The following ROBO1 variants were observed in gnomAD, a reference collection of about 807,000 sequenced individuals.
ROBO1 encodes the protein roundabout homolog 1.
ROBO1 carries 149 observed loss-of-function variants against 195.9 expected under a neutral mutation model. The ratio of observed to expected loss-of-function variants is 0.76; its 90% CI spans 0.67 to 0.87. ROBO1 has a LOEUF of 0.87. Among genes scored for constraint, ROBO1 ranks in the 40% least tolerant of loss-of-function variants. The probability of loss-of-function intolerance (pLI) is 0.00; values close to 1 mark genes in which losing one functional copy is unlikely to be tolerated. For missense variants in ROBO1, 1,933 were observed against 2,068.3 expected, an observed-to-expected ratio of 0.93 and a Z score of 1.27; for synonymous variants, 816 against 733.2, an observed-to-expected ratio of 1.11 and a Z score of -1.82.
At chr3:79,422,100 AT>A (rs1192008294) in intron 2 of ROBO1, among the ~76,000 whole-genome samples, 1 of 148,094 alleles carries the variant, frequency 6.8e-6, no homozygotes, top group Non-Finnish European at 1.5e-5. Flanking sequence ...ATATAAAAAT[AT>A]TTTTGATTAT....
intron 4 of ROBO1, among the ~76,000 whole-genome samples, chr3:78,883,925 A>G (rs897486918): frequency 6.6e-6 from 1 of 152,132 alleles, no homozygotes; most frequent in African/African-American, 2.4e-5. Flanking sequence ...TTCACTGCAA[A>G]GCTAGGATGG....
At chr3:79,759,979 G>A (rs1559561893) in intron 1 of ROBO1, among the ~76,000 whole-genome samples, 1 of 152,076 alleles carries the variant, frequency 6.6e-6, no homozygotes, top group African/African-American at 2.4e-5. Context: ...GCTCATGCCT[G>A]TAATCCCAGC....
At chr3:79,229,418 G>A (rs1436959091) in intron 2 of ROBO1, among the ~76,000 whole-genome samples, 2 of 152,028 alleles carry the variant, frequency 1.3e-5, no homozygotes, top group East Asian at 3.9e-4. Flanking sequence ...ATAAGTTAGG[G>A]TGTTAATCTA....
At chr3:78,672,205 A>C (rs996113323) in intron 10 of ROBO1, among the ~76,000 whole-genome samples, 2 of 152,080 alleles carry the variant, frequency 1.3e-5, no homozygotes, top group African/African-American at 4.8e-5. Context: ...AAGGCTAGAC[A>C]TATTATGTAC....
At chr3:78,776,360 TC>T in intron 4 of ROBO1, among the ~76,000 whole-genome samples, 1 of 152,336 alleles carries the variant, frequency 6.6e-6, no homozygotes, top group South Asian at 2.1e-4. Flanking sequence ...CAAGTGATTC[TC>T]CTGCCTTAGC....
intron 3 of ROBO1, among the ~76,000 whole-genome samples, chr3:78,943,509 T>C (rs1454401208): frequency 1.3e-5 from 2 of 152,202 alleles, no homozygotes; most frequent in African/African-American, 4.8e-5. Flanking sequence ...AAACGCTAAA[T>C]TTCTCAAAAG....
intron 3 of ROBO1, among the ~76,000 whole-genome samples, chr3:79,066,775 A>G (rs1444716834): frequency 2.6e-5 from 4 of 151,904 alleles, no homozygotes; most frequent in African/African-American, 9.7e-5. Context: ...AAGAAGATAT[A>G]AGGCAGAAAT....
chr3:79,593,871 C>G (rs1282413213), intron 1 of ROBO1, among the ~76,000 whole-genome samples: 1 of 151,992 alleles, frequency 6.6e-6, no homozygotes, highest in Non-Finnish European at 1.5e-5. Context: ...CCCGCTTTGG[C>G]CTCCCAAACT....
At chr3:79,480,964 T>C (rs1364540722) in intron 2 of ROBO1, among the ~76,000 whole-genome samples, 5 of 152,176 alleles carry the variant, frequency 3.3e-5, no homozygotes, top group African/African-American at 1.2e-4. Flanking sequence ...GAGATCAATT[T>C]TTTTTCCTCC....
At chr3:79,273,516 A>G (rs2030758548) in intron 2 of ROBO1, among the ~76,000 whole-genome samples, 1 of 152,086 alleles carries the variant, frequency 6.6e-6, no homozygotes, top group African/African-American at 2.4e-5. Context: ...TATGACAGAT[A>G]CACAAAAAAA....
intron 4 of ROBO1, among the ~76,000 whole-genome samples, chr3:78,773,555 A>G (rs1163544312): frequency 6.6e-6 from 1 of 152,170 alleles, no homozygotes; most frequent in Non-Finnish European, 1.5e-5. Context: ...CATCTCCTTA[A>G]AGAAACATAT....
intron 4 of ROBO1, among the ~76,000 whole-genome samples, chr3:78,875,644 C>T (rs865822422): frequency 2.0e-5 from 3 of 151,972 alleles, no homozygotes; most frequent in Admixed American, 1.3e-4. Context: ...ATGTTGCCAA[C>T]TGAAAACTAT....
chr3:79,744,639 G>A (rs1254946986), intron 1 of ROBO1, among the ~76,000 whole-genome samples: 1 of 152,104 alleles, frequency 6.6e-6, no homozygotes, highest in Non-Finnish European at 1.5e-5. Flanking sequence ...CCAGAACTAT[G>A]AGAAGTAAGC....
chr3:79,106,801 T>A (rs1480070737), intron 3 of ROBO1, among the ~76,000 whole-genome samples: 1 of 151,702 alleles, frequency 6.6e-6, no homozygotes, highest in Admixed American at 6.6e-5. Context: ...ATATTCATTA[T>A]CTGAGTATCC....
chr3:78,776,345 G>A (rs761008222), intron 4 of ROBO1, among the ~76,000 whole-genome samples: 1 of 152,072 alleles, frequency 6.6e-6, no homozygotes, highest in African/African-American at 2.4e-5. Context: ...TCCACCTCCC[G>A]GGTTCAAGTG....
At chr3:78,825,500 A>G (rs1049001236) in intron 4 of ROBO1, among the ~76,000 whole-genome samples, 1 of 152,172 alleles carries the variant, frequency 6.6e-6, no homozygotes, top group Non-Finnish European at 1.5e-5. Context: ...CTTCAAAGAG[A>G]TGGTGCTCAT....
intron 2 of ROBO1, among the ~76,000 whole-genome samples, chr3:79,319,366 A>G (rs2033878116): frequency 6.6e-6 from 1 of 152,166 alleles, no homozygotes; most frequent in Non-Finnish European, 1.5e-5. Context: ...AATATTATGA[A>G]TAATATTTTA....
intron 4 of ROBO1, among the ~76,000 whole-genome samples, chr3:78,836,277 C>G (rs1428330008): frequency 6.6e-6 from 1 of 151,950 alleles, no homozygotes. Context: ...CTTTGGGAGG[C>G]CGAGGCGGGC....
chr3:79,740,465 A>T (rs1407418571), intron 1 of ROBO1, among the ~76,000 whole-genome samples: 2 of 152,054 alleles, frequency 1.3e-5, no homozygotes, highest in Non-Finnish European at 2.9e-5. Flanking sequence ...ATTTATAAAG[A>T]AAAGAGGCTT....
Sources: gnomAD v4.1 joint callset for allele counts (sites outside exome capture counted in the v4.1 genomes callset) on GRCh38, gnomAD v4.1.1 for gene constraint, MANE v1.5 for transcripts, NCBI Gene and HGNC (gene_info 2026-07-23, HGNC 2026-07-21) for gene names.